The following NRG3 variants were observed in gnomAD, a reference collection of about 807,000 sequenced individuals.
NRG3 encodes neuregulin 3, also known as pro-neuregulin-3, membrane-bound isoform.
Under a neutral mutation model 66.9 loss-of-function variants are expected in NRG3, and 31 were observed. The observed-to-expected ratio is 0.46, with a 90% CI of 0.35 to 0.63. The LOEUF is 0.63. NRG3 is among the 20% of genes least tolerant of loss of function. The probability of loss-of-function intolerance (pLI) is 0.00; values close to 1 mark genes in which losing one functional copy is unlikely to be tolerated. For synonymous variants in NRG3, 393 were observed against 359.4 expected, an observed-to-expected ratio of 1.09 and a Z score of -1.06; for missense variants, 910 against 878.9, an observed-to-expected ratio of 1.04 and a Z score of -0.45.
At chr10:82,415,836 AC>A (rs2088517836) in intron 2 of NRG3, among the ~76,000 whole-genome samples, 1 of 152,142 alleles carries the variant, frequency 6.6e-6, no homozygotes, top group Non-Finnish European at 1.5e-5. Context: ...TTTCTGGCAA[AC>A]TAAAGTATAT....
intron 2 of NRG3, among the ~76,000 whole-genome samples, chr10:82,628,494 G>A (rs986658079): frequency 1.3e-5 from 2 of 152,106 alleles, no homozygotes; most frequent in Non-Finnish European, 2.9e-5. Context: ...GAAACAGGTG[G>A]CCACAGAGTT....
At chr10:82,551,923 A>G (rs1202198371) in intron 2 of NRG3, among the ~76,000 whole-genome samples, 2 of 151,888 alleles carry the variant, frequency 1.3e-5, no homozygotes, top group African/African-American at 4.8e-5. Flanking sequence ...TTTAGTCTAC[A>G]TGTTCATCCA....
At chr10:82,405,423 T>C (rs557458219) in intron 2 of NRG3, among the ~76,000 whole-genome samples, 1 of 151,906 alleles carries the variant, frequency 6.6e-6, no homozygotes, top group African/African-American at 2.4e-5. Context: ...TTCATGAAAG[T>C]ACCTTTTCTA....
At chr10:82,295,745 A>G (rs892279281) in intron 1 of NRG3, among the ~76,000 whole-genome samples, 4 of 152,156 alleles carry the variant, frequency 2.6e-5, no homozygotes, top group Admixed American at 2.6e-4. Context: ...TTCTAGCCTA[A>G]TATTTATACT....
At chr10:82,767,034 TATAAGG>T (rs956325089) in intron 3 of NRG3, among the ~76,000 whole-genome samples, 2 of 149,682 alleles carry the variant, frequency 1.3e-5, no homozygotes, top group Admixed American at 1.3e-4. Flanking sequence ...TATATATATA[TATAAGG>T]ATGATATATA....
chr10:81,882,958 A>T (rs973705743), intron 1 of NRG3, among the ~76,000 whole-genome samples: 6 of 152,172 alleles, frequency 3.9e-5, no homozygotes, highest in Non-Finnish European at 8.8e-5. Flanking sequence ...TGTTTATCAA[A>T]GAGAGGAGCT....
intron 1 of NRG3, among the ~76,000 whole-genome samples, chr10:82,315,827 G>C (rs367963329): frequency 6.6e-6 from 1 of 151,866 alleles, no homozygotes; most frequent in Non-Finnish European, 1.5e-5. Context: ...CACCACACCC[G>C]GCTAGTTTTT....
In NRG3 at chr10:81,991,655, A is replaced by T. The variant is rs529405722; in HGVS notation, c.823+115492A>T. ...CCAGTTCTGTGATGAGATTTTTTTT[A>T]AAAATCCACACAAAAACAAAACAAA... is the stretch of plus-strand genomic sequence containing the variant. On this transcript the variant is annotated intron_variant, in intron 1 of 8. Coordinates refer to ENST00000372141, the MANE Select transcript of NRG3 (RefSeq NM_001010848.4). Among the ~76,000 whole-genome samples the T allele has an allele frequency of 4.6e-5, 7 of 152,226 alleles. No homozygotes were observed. The South Asian group carries it at 1.0e-3, about 23-fold the overall frequency.
intron 1 of NRG3, among the ~76,000 whole-genome samples, chr10:81,933,836 C>T (rs2133024711): frequency 6.6e-6 from 1 of 152,240 alleles, no homozygotes; most frequent in South Asian, 2.1e-4. Flanking sequence ...ATGAATTACA[C>T]TCATTGTTTT....
chr10:82,685,890 A>T (rs2054473937), intron 2 of NRG3, among the ~76,000 whole-genome samples: 1 of 152,184 alleles, frequency 6.6e-6, no homozygotes, highest in African/African-American at 2.4e-5. Flanking sequence ...CAATATCGTC[A>T]TCCTCTACTA....
intron 3 of NRG3, among the ~76,000 whole-genome samples, chr10:82,838,436 C>G (rs1037882957): frequency 2.0e-5 from 3 of 152,006 alleles, no homozygotes; most frequent in East Asian, 3.9e-4. Context: ...ACAATAGATG[C>G]CCATCTCTTT....
intron 3 of NRG3, among the ~76,000 whole-genome samples, chr10:82,802,845 T>A (rs2061104988): frequency 6.6e-6 from 1 of 152,038 alleles, no homozygotes; most frequent in Non-Finnish European, 1.5e-5. Context: ...TATTTTTGTT[T>A]TGTTTTTATG....
At chr10:82,568,662 A>G (rs886328719) in intron 2 of NRG3, among the ~76,000 whole-genome samples, 1 of 151,846 alleles carries the variant, frequency 6.6e-6, no homozygotes, top group African/African-American at 2.4e-5. Flanking sequence ...TATGATGTCT[A>G]GCTCATTGTT....
At chr10:82,708,951 C>T (rs144415877) in intron 2 of NRG3, among the ~76,000 whole-genome samples, 201 of 152,148 alleles carry the variant, frequency 1.3e-3, no homozygotes, top group African/African-American at 4.5e-3. Flanking sequence ...AATTGCCTCT[C>T]GTAACCCCTG....
intron 2 of NRG3, among the ~76,000 whole-genome samples, chr10:82,552,485 A>T (rs913879171): frequency 3.3e-5 from 5 of 152,174 alleles, no homozygotes; most frequent in Non-Finnish European, 7.3e-5. Flanking sequence ...ATGTGTATTG[A>T]CTGATAACTT....
intron 3 of NRG3, among the ~76,000 whole-genome samples, chr10:82,764,616 G>A (rs1384590508): frequency 1.3e-5 from 2 of 151,462 alleles, no homozygotes; most frequent in African/African-American, 4.9e-5. Flanking sequence ...GCCCACCTCA[G>A]CCTCCCAAAG....
intron 2 of NRG3, among the ~76,000 whole-genome samples, chr10:82,533,889 A>G (rs1292917538): frequency 6.6e-6 from 1 of 152,214 alleles, no homozygotes; most frequent in Non-Finnish European, 1.5e-5. Context: ...AAAATGTTAG[A>G]ACTAATAAAT....
At chr10:82,922,712 G>T (rs141512142) in intron 4 of NRG3, among the ~76,000 whole-genome samples, 4 of 152,242 alleles carry the variant, frequency 2.6e-5, no homozygotes, top group African/African-American at 4.8e-5. Flanking sequence ...GACCCTGAAA[G>T]GTCTCCATAG....
intron 1 of NRG3, among the ~76,000 whole-genome samples, chr10:82,326,463 A>G (rs2081878867): frequency 6.6e-6 from 1 of 151,590 alleles, no homozygotes; most frequent in Admixed American, 6.6e-5. Flanking sequence ...GATTTTTTTT[A>G]ATTGACTATT....
Sources: gnomAD v4.1 joint callset for allele counts (sites outside exome capture counted in the v4.1 genomes callset) on GRCh38, gnomAD v4.1.1 for gene constraint, MANE v1.5 for transcripts, NCBI Gene and HGNC (gene_info 2026-07-23, HGNC 2026-07-21) for gene names.